Variants in SRRM3 observed in about 807,000 individuals in gnomAD.
SRRM3 encodes the protein serine/arginine repetitive matrix protein 3.
In SRRM3, 27 loss-of-function variants were observed where a neutral mutation model predicts 66.2. That is an observed-to-expected ratio of 0.41 (90% confidence interval 0.30 to 0.56). The LOEUF is 0.56. SRRM3 is among the 20% of genes least tolerant of loss of function. The probability of loss-of-function intolerance (pLI) is 0.32; values close to 1 mark genes in which losing one functional copy is unlikely to be tolerated. For missense variants in SRRM3, 918 were observed against 991.9 expected, an observed-to-expected ratio of 0.93 and a Z score of 1.00; for synonymous variants, 391 against 414.9, an observed-to-expected ratio of 0.94 and a Z score of 0.70.
At chr7:76,280,117 A>T (rs1409085648) in intron 11 of SRRM3, among the ~76,000 whole-genome samples, 2 of 135,218 alleles carry the variant, frequency 1.5e-5, no homozygotes, top group Admixed American at 1.5e-4. Context: ...ATCAGAACTT[A>T]AAAAAAAAAA....
chr7:76,244,317 G>A (rs1801383255), intron 2 of SRRM3, among the ~76,000 whole-genome samples: 1 of 152,080 alleles, frequency 6.6e-6, no homozygotes, highest in Non-Finnish European at 1.5e-5. Context: ...CTGAGGTCAG[G>A]AGTTTGAGAC....
chr7:76,226,169 TACAGATG>T (rs1800860969), intron 1 of SRRM3, among the ~76,000 whole-genome samples: 1 of 152,230 alleles, frequency 6.6e-6, no homozygotes, highest in Admixed American at 6.5e-5. Flanking sequence ...GACCCTGCAG[TACAGATG>T]AGCTGTTTCA....
At position 76,215,394 on chromosome 7, in the gene SRRM3, G is replaced by GTTTTT. The variant is rs1170079332; in HGVS notation, c.-40+13349_-40+13353dup. On this transcript the variant is annotated intron_variant, in intron 1 of 14. Coordinates refer to ENST00000611745, the MANE Select transcript of SRRM3 (RefSeq NM_001110199.3). Reference sequence around the variant, plus strand: ...CTGGGCTGGGAGTTAGGAGCCCGCAGTTTTTTTTTTTTTTTTTTTTTTTTT... The same window carrying GTTTTT: ...CTGGGCTGGGAGTTAGGAGCCCGCAGTTTTTTTTTTTTTTTTTTTTTTTTTTTTTT... 1.3e-3 allele frequency among the ~76,000 whole-genome samples: 123 copies of GTTTTT among 95,126 alleles called. 8 individuals carry two copies. The highest frequency in any genetic ancestry group is 2.1e-3 in the Non-Finnish European group (104 of 49,812). 62.4% of individuals were successfully genotyped at this position (95,126 alleles called of 152,430 possible).
At chr7:76,258,199 CA>C (rs1249593828) in intron 3 of SRRM3, among the ~76,000 whole-genome samples, 2 of 152,116 alleles carry the variant, frequency 1.3e-5, no homozygotes, top group Admixed American at 1.3e-4. Context: ...CAGAGATGAG[CA>C]GGGGGGGCCC....
At chr7:76,253,315 CA>C (rs1346368256) in intron 3 of SRRM3, among the ~76,000 whole-genome samples, 1 of 152,050 alleles carries the variant, frequency 6.6e-6, no homozygotes, top group Non-Finnish European at 1.5e-5. Context: ...GGAGAAACCT[CA>C]TTTCTACTAA....
At chr7:76,235,394 T>G in intron 2 of SRRM3, 95 bp downstream of exon 2, 17 of 1,014,204 alleles carry the variant, frequency 1.7e-5, no homozygotes, top group South Asian at 5.7e-5. Context: ...GCGAACGTCG[T>G]GGGCGGGGAG....
intron 3 of SRRM3, among the ~76,000 whole-genome samples, chr7:76,251,685 T>C (rs1554606914): frequency 6.6e-6 from 1 of 151,954 alleles, no homozygotes; most frequent in East Asian, 1.9e-4. Flanking sequence ...CCAGCAGCAC[T>C]TTGGAAGGCT....
At chr7:76,248,941 C>T (rs1445582278) in intron 3 of SRRM3, among the ~76,000 whole-genome samples, 1 of 152,092 alleles carries the variant, frequency 6.6e-6, no homozygotes, top group East Asian at 1.9e-4. Context: ...GATCCTGCCA[C>T]TGTACTCCAG....
chr7:76,285,479 C>A lies in SRRM3; in HGVS notation c.1734-136C>A. The A allele has an allele frequency of 1.5e-6, 1 of 669,654 alleles. No homozygotes were observed. The highest frequency in any genetic ancestry group is 3.0e-5 in the Admixed American group (1 of 33,704). The allele number at this position is 669,654 out of a possible 1,614,324, so 41.5% of individuals were successfully genotyped here. ...ATGGAATTTGCAAGTAACCAATGAC[C>A]GTCAGATTCCATTTGGAGAAGGCAG... On this transcript the variant is annotated intron_variant, in intron 14 of 14. Coordinates refer to ENST00000611745, the MANE Select transcript of SRRM3 (RefSeq NM_001110199.3). This position sits in a 1 kb window ranked among gnomAD's most constrained non-coding sequence, Gnocchi z 4.1.
intron 3 of SRRM3, among the ~76,000 whole-genome samples, chr7:76,255,140 CTTTCTTTCTTTTTTTTTTTT>C (rs1480967477): frequency 3.1e-5 from 3 of 97,148 alleles, no homozygotes; most frequent in Non-Finnish European, 6.5e-5. Flanking sequence ...TTCTTTCTTT[CTTTCTTTCTTTTTTTTTTTT>C]TTTTTTTGAG....
At chr7:76,281,946 A>C (rs1331974998) in intron 12 of SRRM3, 144 bp downstream of exon 12, 84 of 296,136 alleles carry the variant, frequency 2.8e-4, no homozygotes, top group Non-Finnish European at 3.0e-4. Context: ...AGCTACCCCC[A>C]TGGATTCCAC....
chr7:76,230,215 G>T (rs894549413), intron 1 of SRRM3, among the ~76,000 whole-genome samples: 1 of 152,114 alleles, frequency 6.6e-6, no homozygotes, highest in Non-Finnish European at 1.5e-5. Context: ...TGAGAATAGA[G>T]CCCTGTGATT....
chr7:76,233,135 T>C (rs1554604381), intron 1 of SRRM3, among the ~76,000 whole-genome samples: 1 of 152,084 alleles, frequency 6.6e-6, no homozygotes, highest in East Asian at 1.9e-4. Flanking sequence ...AGAACGTGAC[T>C]CTACAAAAAA....
At chr7:76,208,061 C>G (rs1320405964) in intron 1 of SRRM3, among the ~76,000 whole-genome samples, 1 of 152,064 alleles carries the variant, frequency 6.6e-6, no homozygotes, top group Non-Finnish European at 1.5e-5. Flanking sequence ...AACTTTATGG[C>G]CTGGGATAGG....
In SRRM3 at chr7:76,235,867, G is replaced by A. The variant is rs946365100; in HGVS notation, c.233+568G>A. On this transcript the variant is annotated intron_variant, in intron 2 of 14. Coordinates refer to ENST00000611745, the MANE Select transcript of SRRM3 (RefSeq NM_001110199.3). The stretch of plus-strand genomic sequence containing the variant: ...CTAAAAATACAAAAATTAGCCAGGC[G>A]TGGTGACGCGTGCCTGTAATCCCAG... Among the ~76,000 whole-genome samples the A allele has an allele frequency of 4.0e-5, 6 of 151,878 alleles. No individual in the cohort carries two copies. In the East Asian group the frequency reaches 5.8e-4, roughly 15 times the overall value.
chr7:76,213,385 T>C (rs1232309550), intron 1 of SRRM3, among the ~76,000 whole-genome samples: 1 of 152,130 alleles, frequency 6.6e-6, no homozygotes, highest in Non-Finnish European at 1.5e-5. Context: ...CTGCTGCGTG[T>C]ATTAACTTAT....
At chr7:76,276,877 C>T (rs1188237871) in intron 11 of SRRM3, among the ~76,000 whole-genome samples, 1 of 152,180 alleles carries the variant, frequency 6.6e-6, no homozygotes, top group African/African-American at 2.4e-5. Flanking sequence ...ACTGCTCTGA[C>T]CCTGTGAAAG....
At chr7:76,212,237 T>C (rs1390681157) in intron 1 of SRRM3, among the ~76,000 whole-genome samples, 1 of 148,056 alleles carries the variant, frequency 6.8e-6, no homozygotes, top group African/African-American at 2.5e-5. Flanking sequence ...CGTGGCTTAC[T>C]AGAGTCTTGA....
intron 3 of SRRM3, among the ~76,000 whole-genome samples, chr7:76,252,864 T>G (rs1320519594): frequency 6.6e-6 from 1 of 152,162 alleles, no homozygotes; most frequent in African/African-American, 2.4e-5. Flanking sequence ...TGAAGCACTC[T>G]TTAAATATTA....
Sources: gnomAD v4.1 joint callset for allele counts (sites outside exome capture counted in the v4.1 genomes callset) on GRCh38, gnomAD v4.1.1 for gene constraint, Gnocchi (gnomAD v3.1) non-coding constraint, MANE v1.5 for transcripts, NCBI Gene and HGNC (gene_info 2026-07-23, HGNC 2026-07-21) for gene names.